CCDC3: variants seen among roughly 807,000 people sequenced by gnomAD.
CCDC3 encodes the protein coiled-coil domain containing 3.
In CCDC3, 24 loss-of-function variants were observed where a neutral mutation model predicts 21.4. That is an observed-to-expected ratio of 1.12 (90% confidence interval 0.81 to 1.58). The LOEUF is 1.58. Among genes scored for constraint, CCDC3 ranks in the 40% most tolerant of loss-of-function variants. The probability of loss-of-function intolerance (pLI) is 0.00; values close to 1 mark genes in which losing one functional copy is unlikely to be tolerated. For synonymous variants in CCDC3, 186 were observed against 166.0 expected, an observed-to-expected ratio of 1.12 and a Z score of -0.93; for missense variants, 425 against 360.9, an observed-to-expected ratio of 1.18 and a Z score of -1.44.
chr10:12,946,238 T>C (rs1290101368), intron 2 of CCDC3, among the ~76,000 whole-genome samples: 1 of 152,180 alleles, frequency 6.6e-6, no homozygotes, highest in East Asian at 1.9e-4. Context: ...ACTATGATAG[T>C]GACTGACAGG....
Position 13,073,606 on chromosome 10 carries a change from G to C in CCDC3, c.-270+262C>G, listed in dbSNP as rs11258174. ...AGCAATCCTCCCACCTCAGCCTCCT[G>C]AGTAGCTAGGAGGCTACAGCTACAA... On this transcript the variant is annotated intron_variant, in intron 4 of 6. Transcript: ENST00000378839. Among the ~76,000 whole-genome samples the C allele has an allele frequency of 6.9e-3, 1,046 of 151,624 alleles. 48 individuals carry two copies. In the South Asian group the frequency reaches 0.093, roughly 14 times the overall value.
chr10:12,933,855 T>C (rs1834692353), intron 2 of CCDC3, among the ~76,000 whole-genome samples: 1 of 152,228 alleles, frequency 6.6e-6, no homozygotes, highest in South Asian at 2.1e-4. Flanking sequence ...TTTCCTATAA[T>C]TAACCTGGAT....
chr10:12,985,771 A>G (rs76727959), intron 2 of CCDC3, among the ~76,000 whole-genome samples: 2,331 of 152,342 alleles, frequency 0.015, 63 homozygotes, highest in African/African-American at 0.053. Flanking sequence ...GGGGAAGGGT[A>G]GCTTAAAAGG....
At chr10:12,957,497 G>A (rs1266902092) in intron 2 of CCDC3, among the ~76,000 whole-genome samples, 1 of 152,220 alleles carries the variant, frequency 6.6e-6, no homozygotes, top group Non-Finnish European at 1.5e-5. Flanking sequence ...TTGGATCTGT[G>A]TTCCTGCCGC....
At chr10:12,962,664 C>G (rs1280891792) in intron 2 of CCDC3, among the ~76,000 whole-genome samples, 1 of 152,152 alleles carries the variant, frequency 6.6e-6, no homozygotes, top group East Asian at 1.9e-4. Context: ...ACAACTGTCA[C>G]TGTTACATTT....
intron 2 of CCDC3, among the ~76,000 whole-genome samples, chr10:12,914,782 T>C (rs1464794506): frequency 1.3e-5 from 2 of 152,168 alleles, no homozygotes; most frequent in Non-Finnish European, 2.9e-5. Context: ...TAGCTAAAGG[T>C]TTGTCAGTTT....
intron 5 of CCDC3, among the ~76,000 whole-genome samples, chr10:13,024,550 A>C (rs1836191203): frequency 6.6e-6 from 1 of 152,172 alleles, no homozygotes; most frequent in Admixed American, 6.5e-5. Context: ...AACCAAGGCC[A>C]TTTCTTACTT....
intron 2 of CCDC3, among the ~76,000 whole-genome samples, chr10:12,982,027 C>G (rs914796416): frequency 6.9e-6 from 1 of 144,432 alleles, no homozygotes; most frequent in African/African-American, 2.6e-5. Flanking sequence ...GAGGCTGACG[C>G]AGGAGAATTG....
intron 2 of CCDC3, among the ~76,000 whole-genome samples, chr10:12,904,468 TAAAAAAA>T (rs55772750): frequency 1.5e-4 from 6 of 40,902 alleles, no homozygotes; most frequent in South Asian, 1.7e-3. Context: ...AAGCCAGTCT[TAAAAAAA>T]AAAAAAAAAA....
chr10:13,030,404 C>T (rs1212606877), intron 5 of CCDC3, among the ~76,000 whole-genome samples: 1 of 152,114 alleles, frequency 6.6e-6, no homozygotes, highest in East Asian at 1.9e-4. Context: ...ATTGTAAAGA[C>T]CATCAATGCT....
chr10:13,036,904 A>G (rs1011567212), intron 5 of CCDC3, among the ~76,000 whole-genome samples: 4 of 151,084 alleles, frequency 2.6e-5, no homozygotes, highest in African/African-American at 9.8e-5. Context: ...CTCAGTATCC[A>G]GCATAGCTAG....
In CCDC3 at chr10:12,899,157, T is replaced by C. The variant is rs4748011; in HGVS notation, c.550-478A>G. ...GGTTCCCTTCAGCAAAAACAGACTC[T>C]CTTTGCTCCCTTTAGCTGGGCTGGC... On this transcript the variant is annotated intron_variant, in intron 2 of 2. Coordinates refer to ENST00000378825, the MANE Select transcript of CCDC3 (RefSeq NM_031455.4). Among the ~76,000 whole-genome samples, 40,164 of 151,866 alleles carry C rather than the reference T, an allele frequency of 0.26. 5,623 individuals are homozygous for C. Among genetic ancestry groups the C allele is most frequent in the East Asian group, 0.42 (2,168 of 5,126 alleles).
intron 1 of CCDC3, among the ~76,000 whole-genome samples, chr10:12,999,332 G>A (rs1835811529): frequency 6.6e-6 from 1 of 152,166 alleles, no homozygotes; most frequent in Admixed American, 6.5e-5. Context: ...TGAAGCACTT[G>A]GTACAAAGTA....
chr10:12,900,066 T>A, intron 2 of CCDC3, among the ~76,000 whole-genome samples: 1 of 151,514 alleles, frequency 6.6e-6, no homozygotes, highest in African/African-American at 2.4e-5. Flanking sequence ...CTGAACACTC[T>A]ATTGCCTGCC....
At chr10:12,963,103 G>C (rs920530430) in intron 2 of CCDC3, among the ~76,000 whole-genome samples, 6 of 152,192 alleles carry the variant, frequency 3.9e-5, no homozygotes, top group Admixed American at 1.3e-4. Context: ...CTTTCAACTA[G>C]TGAAAGAAAA....
At chr10:13,012,696 G>A (rs934445080) in intron 5 of CCDC3, among the ~76,000 whole-genome samples, 3 of 151,920 alleles carry the variant, frequency 2.0e-5, no homozygotes, top group African/African-American at 4.8e-5. Context: ...ACTTCAACCC[G>A]GGAGGCAGAC....
chr10:12,976,551 T>C (rs976280539), intron 2 of CCDC3, among the ~76,000 whole-genome samples: 1 of 152,220 alleles, frequency 6.6e-6, no homozygotes, highest in Non-Finnish European at 1.5e-5. Flanking sequence ...GAAGGTATCT[T>C]AGAGAATTGA....
intron 4 of CCDC3, among the ~76,000 whole-genome samples, chr10:13,060,901 G>A (rs1238035514): frequency 6.6e-6 from 1 of 152,160 alleles, no homozygotes; most frequent in African/African-American, 2.4e-5. Flanking sequence ...CTCAACGGAG[G>A]TGTTGATATA....
At chr10:12,926,834 G>C (rs940722126) in intron 2 of CCDC3, among the ~76,000 whole-genome samples, 2 of 152,076 alleles carry the variant, frequency 1.3e-5, no homozygotes, top group Admixed American at 6.5e-5. Flanking sequence ...TATTACTAGA[G>C]ATAACAGGAT....
Sources: gnomAD v4.1 joint callset for allele counts (sites outside exome capture counted in the v4.1 genomes callset) on GRCh38, gnomAD v4.1.1 for gene constraint, MANE v1.5 for transcripts, NCBI Gene and HGNC (gene_info 2026-07-23, HGNC 2026-07-21) for gene names.